The following HEMK2 variants were observed in gnomAD, a reference collection of about 807,000 sequenced individuals.
The protein encoded by HEMK2 is methyltransferase HEMK2.
At chr21:28,828,823 CTGTT>C in the HEMK2 span, among the ~76,000 whole-genome samples, 3 of 152,148 alleles carry the variant, frequency 2.0e-5, no homozygotes, top group Admixed American at 6.5e-5. Context: ...CTGCAACAAC[CTGTT>C]TTTTTTAATT....
the HEMK2 span, among the ~76,000 whole-genome samples, chr21:28,603,589 G>C: frequency 0.015 from 2,187 of 145,208 alleles, 61 homozygotes; most frequent in African/African-American, 0.052. Context: ...GTGTGTGTGT[G>C]TGTGTTTTAG....
the HEMK2 span, among the ~76,000 whole-genome samples, chr21:28,801,031 G>C: frequency 6.6e-6 from 1 of 152,356 alleles, no homozygotes; most frequent in Non-Finnish European, 1.5e-5. Context: ...CAGAGTACCA[G>C]GGTTAGGACA....
chr21:28,876,626 G>A, the HEMK2 span: 1 of 530,950 alleles, frequency 1.9e-6, no homozygotes, highest in East Asian at 3.3e-5. Context: ...TCAAATAAAT[G>A]TCTACTAAAG....
the HEMK2 span, among the ~76,000 whole-genome samples, chr21:28,880,937 A>AAAC: frequency 6.7e-6 from 1 of 148,866 alleles, no homozygotes. Flanking sequence ...TTAAAAAAAA[A>AAAC]AAAAAAAAAA....
At chr21:28,874,008 T>C in the HEMK2 span, 7 of 152,222 alleles carry the variant, frequency 4.6e-5, no homozygotes, top group African/African-American at 1.7e-4. Flanking sequence ...ATGCACCATA[T>C]ACTGGATGTT....
At chr21:28,826,454 T>C in the HEMK2 span, among the ~76,000 whole-genome samples, 2 of 152,216 alleles carry the variant, frequency 1.3e-5, no homozygotes, top group Non-Finnish European at 2.9e-5. Context: ...CTAAGATCCT[T>C]AGTGTCATTC....
At chr21:28,841,342 A>ATATATAAATATATAT in the HEMK2 span, among the ~76,000 whole-genome samples, 1 of 18,160 alleles carries the variant, frequency 5.5e-5, no homozygotes, top group African/African-American at 1.2e-3. Flanking sequence ...AATATATATT[A>ATATATAAATATATAT]TATATATAAA....
At chr21:28,621,795 G>A in the HEMK2 span, among the ~76,000 whole-genome samples, 1 of 152,162 alleles carries the variant, frequency 6.6e-6, no homozygotes, top group Admixed American at 6.5e-5. Flanking sequence ...ATCAGTTAAG[G>A]CTGTTTTCAC....
chr21:28,624,470 T>A, the HEMK2 span, among the ~76,000 whole-genome samples: 2 of 152,118 alleles, frequency 1.3e-5, no homozygotes, highest in African/African-American at 2.4e-5. Context: ...GAGTTGTGGG[T>A]TCTGTTTGCT....
the HEMK2 span, chr21:28,743,079 A>G: frequency 1.3e-5 from 2 of 152,330 alleles, no homozygotes; most frequent in South Asian, 4.1e-4. Flanking sequence ...ACACAAACAC[A>G]GTCACTATTG....
At chr21:28,603,542 GAT>G in the HEMK2 span, among the ~76,000 whole-genome samples, 362 of 93,700 alleles carry the variant, frequency 3.9e-3, no homozygotes, top group African/African-American at 0.013. Context: ...TTTTACTGAG[GAT>G]ATATATGTGT....
the HEMK2 span, among the ~76,000 whole-genome samples, chr21:28,606,831 A>G: frequency 6.6e-6 from 1 of 152,168 alleles, no homozygotes; most frequent in Admixed American, 6.5e-5. Flanking sequence ...ATTATGTTCC[A>G]TTAAAAGTAT....
At chr21:28,775,908 C>T in the HEMK2 span, among the ~76,000 whole-genome samples, 5 of 150,904 alleles carry the variant, frequency 3.3e-5, no homozygotes, top group South Asian at 2.1e-4. Context: ...TTAAGATGGG[C>T]GTGACTGTTA....
the HEMK2 span, among the ~76,000 whole-genome samples, chr21:28,664,758 G>A: frequency 6.6e-6 from 1 of 152,090 alleles, no homozygotes; most frequent in East Asian, 1.9e-4. Flanking sequence ...AGGTTGAAAT[G>A]CTCAGAAAGG....
the HEMK2 span, among the ~76,000 whole-genome samples, chr21:28,605,097 C>T: frequency 6.6e-6 from 1 of 152,210 alleles, no homozygotes; most frequent in Non-Finnish European, 1.5e-5. Context: ...TGCATAATTT[C>T]AAACATTCAG....
chr21:28,800,590 A>AAT, the HEMK2 span, among the ~76,000 whole-genome samples: 1 of 152,118 alleles, frequency 6.6e-6, no homozygotes, highest in South Asian at 2.1e-4. Flanking sequence ...TGTGTATGTA[A>AAT]ATATATATTG....
chr21:28,721,849 C>T, the HEMK2 span, among the ~76,000 whole-genome samples: 1 of 151,438 alleles, frequency 6.6e-6, no homozygotes, highest in African/African-American at 2.4e-5. Flanking sequence ...CCAGGTCACA[C>T]TAGATTTGAG....
chr21:28,761,780 G>A, the HEMK2 span, among the ~76,000 whole-genome samples: 1 of 151,986 alleles, frequency 6.6e-6, no homozygotes, highest in East Asian at 1.9e-4. Context: ...GCACGCAACA[G>A]GTTGAATAAA....
At chr21:28,606,688 G>C in the HEMK2 span, among the ~76,000 whole-genome samples, 1 of 152,122 alleles carries the variant, frequency 6.6e-6, no homozygotes, top group Non-Finnish European at 1.5e-5. Context: ...TATGCATTGA[G>C]CAACGTCTCA....
Sources: gnomAD v4.1 joint callset for allele counts (sites outside exome capture counted in the v4.1 genomes callset) on GRCh38, gnomAD v4.1.1 for gene constraint, MANE v1.5 for transcripts, NCBI Gene and HGNC (gene_info 2026-07-23, HGNC 2026-07-21) for gene names.